ZFAT: variants seen among roughly 807,000 people sequenced by gnomAD.
ZFAT encodes the protein zinc finger protein ZFAT.
Under a neutral mutation model 117.7 loss-of-function variants are expected in ZFAT, and 64 were observed. The observed-to-expected ratio is 0.54, with a 90% CI of 0.44 to 0.67. ZFAT has a LOEUF of 0.67. Among genes scored for constraint, ZFAT ranks in the 30% least tolerant of loss-of-function variants. The pLI is 0.00. For missense variants in ZFAT, 1,433 were observed against 1,584.5 expected, an observed-to-expected ratio of 0.90 and a Z score of 1.62; for synonymous variants, 679 against 615.0, an observed-to-expected ratio of 1.10 and a Z score of -1.54.
intron 9 of ZFAT, among the ~76,000 whole-genome samples, chr8:134,585,777 C>T (rs2130856861): frequency 6.6e-6 from 1 of 152,296 alleles, no homozygotes. Flanking sequence ...ACACTGTCTA[C>T]TCTAAATTCT....
intron 1 of ZFAT, among the ~76,000 whole-genome samples, chr8:134,684,243 C>A (rs1451172111): frequency 6.6e-6 from 1 of 152,122 alleles, no homozygotes; most frequent in East Asian, 1.9e-4. Flanking sequence ...AAGTGGATGA[C>A]AATTAGTGTG....
At chr8:134,763,616 C>T in the ZFAT span, among the ~76,000 whole-genome samples, 1 of 152,172 alleles carries the variant, frequency 6.6e-6, no homozygotes, top group Non-Finnish European at 1.5e-5. Flanking sequence ...AATGTAGGCT[C>T]CTCAAGTACA....
At chr8:134,501,443 T>TA (rs967099166) in intron 15 of ZFAT, among the ~76,000 whole-genome samples, 1 of 152,222 alleles carries the variant, frequency 6.6e-6, no homozygotes, top group Non-Finnish European at 1.5e-5. Context: ...AAACTGCTGT[T>TA]ACCATCAATT....
At chr8:134,567,883 C>A (rs1824590916) in intron 10 of ZFAT, among the ~76,000 whole-genome samples, 2 of 152,228 alleles carry the variant, frequency 1.3e-5, no homozygotes, top group African/African-American at 4.8e-5. Flanking sequence ...TAATTCAGAA[C>A]TCAAATTGAA....
chr8:134,742,430 C>A, the ZFAT span, among the ~76,000 whole-genome samples: 1 of 152,332 alleles, frequency 6.6e-6, no homozygotes, highest in East Asian at 1.9e-4. Flanking sequence ...TCTCCCATCT[C>A]AGAGGAAACT....
chr8:134,555,626 T>C (rs112743150), intron 11 of ZFAT, among the ~76,000 whole-genome samples: 3,428 of 151,780 alleles, frequency 0.023, 113 homozygotes, highest in African/African-American at 0.077. Flanking sequence ...TTATGAGGCA[T>C]GCAAAGAAGC....
At chr8:134,522,375 A>C (rs577882560) in intron 12 of ZFAT, among the ~76,000 whole-genome samples, 2 of 152,338 alleles carry the variant, frequency 1.3e-5, no homozygotes, top group African/African-American at 4.8e-5. Context: ...GTGGAGTTTC[A>C]TTCAGTCACC....
At chr8:134,501,145 A>G (rs902530451) in intron 15 of ZFAT, among the ~76,000 whole-genome samples, 5 of 152,200 alleles carry the variant, frequency 3.3e-5, no homozygotes. Flanking sequence ...ATAAAAGTGA[A>G]ACCTGGATTA....
chr8:134,587,907 G>A (rs28437959), intron 9 of ZFAT, among the ~76,000 whole-genome samples: 4,998 of 152,222 alleles, frequency 0.033, 144 homozygotes, highest in African/African-American at 0.081. Flanking sequence ...CTATGCACAG[G>A]GCACAGGGTG....
chr8:134,648,815 C>A (rs1310610337), intron 2 of ZFAT, among the ~76,000 whole-genome samples: 1 of 151,992 alleles, frequency 6.6e-6, no homozygotes, highest in Admixed American at 6.6e-5. Context: ...GAAACCAAAA[C>A]CAAAGACATC....
intron 3 of ZFAT, among the ~76,000 whole-genome samples, chr8:134,632,125 C>G (rs543176529): frequency 1.3e-5 from 2 of 152,228 alleles, no homozygotes; most frequent in Non-Finnish European, 1.5e-5. Flanking sequence ...TTCCATCTCT[C>G]TGACCTCTCC....
At chr8:134,822,658 T>C in the ZFAT span, among the ~76,000 whole-genome samples, 1 of 152,132 alleles carries the variant, frequency 6.6e-6, no homozygotes, top group Non-Finnish European at 1.5e-5. Context: ...GGGGGATTAT[T>C]ACAAGAAATA....
At chr8:134,808,173 C>T in the ZFAT span, among the ~76,000 whole-genome samples, 5 of 152,166 alleles carry the variant, frequency 3.3e-5, no homozygotes, top group Admixed American at 6.5e-5. Context: ...CTGACATGCA[C>T]ATGCACACAT....
chr8:134,617,095 T>G (rs990171629), intron 3 of ZFAT, among the ~76,000 whole-genome samples: 6 of 152,190 alleles, frequency 3.9e-5, no homozygotes, highest in Admixed American at 1.3e-4. Context: ...GCAGCCACCC[T>G]GATGGGCACC....
chr8:134,588,435 T>C, intron 8 of ZFAT, 40 bp from the exon 9 acceptor site: 2 of 1,530,726 alleles, frequency 1.3e-6, no homozygotes, highest in Non-Finnish European at 1.8e-6. Flanking sequence ...TCAGAGCACC[T>C]CAGGGGAAGT....
At chr8:134,500,845 G>A (rs368416282) in intron 15 of ZFAT, among the ~76,000 whole-genome samples, 7 of 152,246 alleles carry the variant, frequency 4.6e-5, no homozygotes, top group South Asian at 2.1e-4. Flanking sequence ...TCACCATTCC[G>A]CAACAACAGA....
At chr8:134,571,548 G>A (rs1165992728) in intron 10 of ZFAT, among the ~76,000 whole-genome samples, 1 of 149,078 alleles carries the variant, frequency 6.7e-6, no homozygotes, top group African/African-American at 2.4e-5. Context: ...ACCAGTGAAT[G>A]TATGACTATG....
chr8:134,692,827 G>T (rs1196511598), intron 1 of ZFAT, among the ~76,000 whole-genome samples: 2 of 152,198 alleles, frequency 1.3e-5, no homozygotes, highest in Non-Finnish European at 2.9e-5. Flanking sequence ...CAAAGACATG[G>T]TTTCCTGATT....
At position 134,687,856 on chromosome 8, in the gene ZFAT, C is replaced by T. The variant is rs572997635; in HGVS notation, c.19+24989G>A. Among the ~76,000 whole-genome samples the T allele has an allele frequency of 1.2e-4, 18 of 152,268 alleles. No homozygotes were observed. In the South Asian group the frequency reaches 3.7e-3, roughly 32 times the overall value. ...ATCCGGGTTGACAGCTGTTGGTCTGCGTTGCTTTAGTGTATTTCTGTTCCT... is the reference window on the plus strand; with the variant it reads ...ATCCGGGTTGACAGCTGTTGGTCTGTGTTGCTTTAGTGTATTTCTGTTCCT... On this transcript the variant is annotated intron_variant, in intron 1 of 15. Coordinates refer to ENST00000377838, the MANE Select transcript of ZFAT (RefSeq NM_020863.4).
Sources: allele counts gnomAD v4.1 joint callset (sites outside exome capture counted in the v4.1 genomes callset), GRCh38; gene constraint gnomAD v4.1.1; transcripts MANE v1.5; gene names NCBI Gene and HGNC (gene_info 2026-07-23, HGNC 2026-07-21).